MCM8: variants seen among roughly 807,000 people sequenced by gnomAD.
MCM8 encodes DNA helicase MCM8.
MCM8 carries 85 observed loss-of-function variants against 98.9 expected under a neutral mutation model. The ratio of observed to expected loss-of-function variants is 0.86; its 90% CI spans 0.72 to 1.03. The LOEUF (loss-of-function observed/expected upper bound fraction) is 1.03. Ranked by LOEUF, MCM8 falls within the 50% of genes least tolerant of loss-of-function variation. The pLI is 0.00. For missense variants in MCM8, 951 were observed against 997.8 expected (o/e 0.95, Z 0.63); for synonymous variants, 352 against 338.6 (o/e 1.04, Z -0.44).
At chr20:5,953,602 T>C (rs1204542976) in intron 3 of MCM8, among the ~76,000 whole-genome samples, 1 of 151,848 alleles carries the variant, frequency 6.6e-6, no homozygotes, top group Admixed American at 6.6e-5. Context: ...GCCTCCCGAG[T>C]AGCTGGGACT....
intron 17 of MCM8, among the ~76,000 whole-genome samples, chr20:5,988,405 T>A (rs1600307633): frequency 1.3e-5 from 2 of 151,908 alleles, no homozygotes; most frequent in East Asian, 3.9e-4. Context: ...GAGGTTGCAG[T>A]GAGCTGAGAT....
At chr20:5,993,806 A>G in intron 18 of MCM8, 111 bp downstream of exon 18, 1 of 866,564 alleles carries the variant, frequency 1.2e-6, no homozygotes, top group Admixed American at 2.6e-5. Flanking sequence ...GCTTCTTCTC[A>G]AAGGTTTTCA....
rs1263795412 is a variant in MCM8 at position 5,993,593 on chromosome 20, GA to G, written c.2332del (p.Arg778AspfsTer30). 9.3e-6 allele frequency: 15 copies of G among 1,612,268 alleles called. No homozygotes were observed. The highest frequency in any genetic ancestry group is 1.3e-5 in the Non-Finnish European group (15 of 1,178,796). ...CTGGAATGAGCAACAGGTCAACAGC[GA>G]AAAGATTTATTTCTGCTCTCAACAA... is the stretch of plus-strand genomic sequence containing the variant. ...GSGMSNRSTA[K>X]RFISALNNVA... On this transcript the variant is annotated frameshift_variant, in exon 18 of 19. Transcript: ENST00000610722. LOFTEE classifies it high-confidence loss of function.
chr20:5,970,640 G>A (rs954841460), intron 10 of MCM8, among the ~76,000 whole-genome samples: 1 of 152,182 alleles, frequency 6.6e-6, no homozygotes, highest in African/African-American at 2.4e-5. Context: ...GGAACATACT[G>A]AACAGTGAGT....
chr20:5,954,986 T>TA (rs1274864864), intron 4 of MCM8, 116 bp from the exon 5 acceptor site: 16 of 721,922 alleles, frequency 2.2e-5, no homozygotes, highest in African/African-American at 3.6e-5. Flanking sequence ...ATGTCATACT[T>TA]ACCATTATCA....
At chr20:5,972,193 CT>C (rs57845201) in intron 11 of MCM8, among the ~76,000 whole-genome samples, 156 bp downstream of exon 11, 183 of 143,982 alleles carry the variant, frequency 1.3e-3, no homozygotes, top group Admixed American at 1.9e-3. Flanking sequence ...CAAACTATAG[CT>C]TTTTTTTTTT....
chr20:5,954,746 G>A (rs1202280465), intron 4 of MCM8, 56 bp downstream of exon 4: 14 of 1,025,106 alleles, frequency 1.4e-5, no homozygotes, highest in Admixed American at 8.9e-5. Context: ...CAATGTATTC[G>A]AGGTACTTGT....
rs372269555 is a variant in MCM8 at position 5,984,937 on chromosome 20, T to A, written c.1890T>A (p.Ser630Arg). The A allele has an allele frequency of 3.1e-5, 50 of 1,614,138 alleles. No individual in the cohort carries two copies. Among genetic ancestry groups the A allele is most frequent in the South Asian group, 1.6e-4 (15 of 91,082 alleles). ...GTGCCACAGTAGCTCGTATGAATAG[T>A]CAAGATTCAAATACTTCCGTACTTG... is the stretch of plus-strand genomic sequence containing the variant. ...ISSATVARMNSQDSNTSVLEV... is the reference protein window; with the variant it reads ...ISSATVARMNRQDSNTSVLEV... The change falls in exon 15 of 19, where the codon AGT becomes AGA. Residue 630 changes from serine (S) to arginine (R), a missense_variant. Transcript: ENST00000610722.
intron 7 of MCM8, among the ~76,000 whole-genome samples, chr20:5,961,156 G>A (rs998691373): frequency 5.9e-5 from 9 of 152,112 alleles, no homozygotes; most frequent in Admixed American, 5.2e-4. Flanking sequence ...CAGGAGGATC[G>A]CTTGAGCCCT....
intron 12 of MCM8, among the ~76,000 whole-genome samples, chr20:5,977,136 C>T (rs1184971961): frequency 6.6e-6 from 1 of 152,120 alleles, no homozygotes; most frequent in Admixed American, 6.5e-5. Context: ...TTTATTGAGC[C>T]AGCAGCATAG....
At chr20:5,993,275 C>T (rs945473301) in intron 17 of MCM8, among the ~76,000 whole-genome samples, 1 of 152,240 alleles carries the variant, frequency 6.6e-6, no homozygotes, top group Middle Eastern at 3.4e-3. Context: ...GCATTTCTCT[C>T]TCCAAATTTA....
intron 17 of MCM8, chr20:5,991,334 C>T (rs1337906469): frequency 6.6e-6 from 1 of 152,284 alleles, no homozygotes; most frequent in South Asian, 2.1e-4. Context: ...TCATGTTGGA[C>T]AGTGTTTGCA....
chr20:5,986,814 G>C (rs1243597860), intron 16 of MCM8, among the ~76,000 whole-genome samples: 4 of 152,070 alleles, frequency 2.6e-5, no homozygotes, highest in Admixed American at 1.3e-4. Context: ...CATAGTCAAG[G>C]TTTCACAGAT....
In MCM8 at chr20:5,950,702, G is replaced by T. The variant is rs2088795583; in HGVS notation, c.-327G>T. 1 of 314,784 alleles carries T rather than the reference G, an allele frequency of 3.2e-6. No homozygotes were observed. Among genetic ancestry groups the T allele is most frequent in the Non-Finnish European group, 5.9e-6 (1 of 169,544 alleles). The allele number at this position is 314,784 out of a possible 1,614,324, so 19.5% of individuals were successfully genotyped here. A position where few individuals can be genotyped will look rare whatever the true frequency, so the allele number is the denominator to read the frequency against. The stretch of plus-strand genomic sequence containing the variant: ...AGCGCCAAAAAAGAATTTAGGGGAA[G>T]ACCTGATTTTCGCTTGAGGCATTTT... On this transcript the variant is annotated 5_prime_UTR_variant, in exon 1 of 19. Transcript: ENST00000610722.
intron 12 of MCM8, 83 bp downstream of exon 12, chr20:5,973,279 A>AGT (rs1469338285): frequency 1.3e-6 from 2 of 1,552,096 alleles, no homozygotes; most frequent in Non-Finnish European, 1.8e-6. Flanking sequence ...CAAAGCATGT[A>AGT]GTGTGTGTGT....
chr20:5,961,803 A>G (rs1013216688), intron 7 of MCM8, among the ~76,000 whole-genome samples: 6 of 152,132 alleles, frequency 3.9e-5, no homozygotes, highest in African/African-American at 1.4e-4. Flanking sequence ...AGGTAGTAGC[A>G]TTGACTCATG....
intron 13 of MCM8, among the ~76,000 whole-genome samples, chr20:5,982,249 C>T (rs1313876597): frequency 6.6e-6 from 1 of 152,104 alleles, no homozygotes; most frequent in East Asian, 1.9e-4. Flanking sequence ...GACTAATCAG[C>T]AGTTATTTTC....
chr20:5,986,541 G>A (rs916980481), intron 16 of MCM8, among the ~76,000 whole-genome samples: 2 of 152,132 alleles, frequency 1.3e-5, no homozygotes, highest in Non-Finnish European at 2.9e-5. Context: ...TTTAACAGCA[G>A]TAATATCTAT....
chr20:5,965,640 A>G (rs964090199), intron 8 of MCM8: 2 of 152,218 alleles, frequency 1.3e-5, no homozygotes, highest in African/African-American at 4.8e-5. Flanking sequence ...AAATGACTCA[A>G]GCATCAAATT....
Sources: gnomAD v4.1 joint callset for allele counts (sites outside exome capture counted in the v4.1 genomes callset) on GRCh38, gnomAD v4.1.1 for gene constraint, MANE v1.5 for transcripts, NCBI Gene and HGNC (gene_info 2026-07-23, HGNC 2026-07-21) for gene names.